The following PCDHA5 variants were observed in gnomAD, a reference collection of about 807,000 sequenced individuals.
The protein encoded by PCDHA5 is protocadherin alpha-5.
PCDHA5 carries 43 observed loss-of-function variants against 61.6 expected under a neutral mutation model. That is an observed-to-expected ratio of 0.70 (90% CI 0.55 to 0.90). The LOEUF (loss-of-function observed/expected upper bound fraction) is 0.90, where lower values mean the gene tolerates loss of function less well. Among genes scored for constraint, PCDHA5 ranks in the 40% least tolerant of loss-of-function variants. The pLI is 0.00. For missense variants in PCDHA5, 1,298 were observed against 1,222.7 expected (o/e 1.06, Z -0.92); for synonymous variants, 627 against 543.9 (o/e 1.15, Z -2.13).
At chr5:140,946,573 A>C (rs1272286008) in intron 1 of PCDHA5, among the ~76,000 whole-genome samples, 1 of 147,140 alleles carries the variant, frequency 6.8e-6, no homozygotes, top group African/African-American at 2.6e-5. Flanking sequence ...GAATCAACTT[A>C]GGTGTTCATA....
At chr5:140,877,272 C>T in intron 1 of PCDHA5, 3 of 1,613,832 alleles carry the variant, frequency 1.9e-6, no homozygotes, top group Non-Finnish European at 2.5e-6. Flanking sequence ...TGGACGCTGA[C>T]TCCGGCTATA....
At chr5:140,985,577 G>A (rs1265916995) in intron 3 of PCDHA5, among the ~76,000 whole-genome samples, 1 of 152,116 alleles carries the variant, frequency 6.6e-6, no homozygotes, top group Non-Finnish European at 1.5e-5. Flanking sequence ...TGGTGCCTAA[G>A]CCTCCTTATA....
chr5:140,926,358 A>C (rs1157995876), intron 1 of PCDHA5: 1 of 152,230 alleles, frequency 6.6e-6, no homozygotes, highest in Non-Finnish European at 1.5e-5. Context: ...CGGCTCCCAA[A>C]GGGCGGCAGG....
In PCDHA5 at chr5:140,959,152, A is replaced by C. The variant is rs182353196; in HGVS notation, c.2353-19797A>C. 1.3e-4 allele frequency among the ~76,000 whole-genome samples: 20 copies of C among 152,108 alleles called. No individual in the cohort carries two copies. The East Asian group carries it at 3.9e-3, about 30-fold the overall frequency. ...CCCACTTTGGGAGGCCAAAGTGGGC[A>C]GATTGCTTGACCCCAGGAGTTCAGG... On this transcript the variant is annotated intron_variant, in intron 1 of 3. Coordinates refer to ENST00000529859, the MANE Select transcript of PCDHA5 (RefSeq NM_018908.3).
chr5:141,010,233 G>C lies in PCDHA5; in HGVS notation c.*296G>C, dbSNP rs1156230400. ...AAGGAGAGGCTTCCCAGCCCCGCCA[G>C]TGAGAGGTTGGACTCTCTGCCCTGT... On this transcript the variant is annotated 3_prime_UTR_variant, in exon 4 of 4. Transcript: ENST00000529859. 1.9e-6 allele frequency: 3 copies of C among 1,551,812 alleles called. No homozygotes were observed. The highest frequency in any genetic ancestry group is 2.6e-6 in the Non-Finnish European group (3 of 1,147,042).
intron 3 of PCDHA5, among the ~76,000 whole-genome samples, chr5:141,006,540 A>T (rs868906531): frequency 1.6e-4 from 25 of 152,182 alleles, no homozygotes; most frequent in Admixed American, 3.3e-4. Context: ...AAAGAGAGAC[A>T]TTAAGAAATA....
At chr5:140,870,385 G>C (rs548890657) in intron 1 of PCDHA5, 2 of 1,614,240 alleles carry the variant, frequency 1.2e-6, no homozygotes, top group African/African-American at 2.7e-5. Context: ...GACTGCGCGG[G>C]ATGGGGGTTC....
intron 1 of PCDHA5, among the ~76,000 whole-genome samples, chr5:140,973,261 C>G (rs1162687249): frequency 6.6e-6 from 1 of 152,156 alleles, no homozygotes; most frequent in African/African-American, 2.4e-5. Flanking sequence ...TCAGTGGCAC[C>G]TACTTTTATT....
At chr5:140,835,895 G>T in intron 1 of PCDHA5, 1 of 1,612,076 alleles carries the variant, frequency 6.2e-7, no homozygotes, top group Non-Finnish European at 8.5e-7. Flanking sequence ...AGCGCGCGCT[G>T]TCGAGCTACG....
chr5:140,995,286 C>T (rs571122259), intron 3 of PCDHA5, among the ~76,000 whole-genome samples: 18 of 152,182 alleles, frequency 1.2e-4, no homozygotes, highest in African/African-American at 3.4e-4. Context: ...CCAAAACAGC[C>T]AGTCGGATAC....
In PCDHA5 at chr5:140,823,652, A is replaced by G; in HGVS notation, c.1877A>G (p.Tyr626Cys). The G allele has an allele frequency of 6.2e-7, 1 of 1,613,972 alleles. No individual in the cohort carries two copies. The highest frequency in any genetic ancestry group is 8.5e-7 in the Non-Finnish European group (1 of 1,179,892). ...CGCATCCCGTTCCGCGTGGGGCTGTACACAGGCGAGATCAGCACAACACGC... is the reference window on the plus strand; with the variant it reads ...CGCATCCCGTTCCGCGTGGGGCTGTGCACAGGCGAGATCAGCACAACACGC... ...SARIPFRVGL[Y>C]TGEISTTRSL... Residue 626 changes from tyrosine to cysteine, a missense_variant, in exon 1 of 4, where the codon TAC (tyrosine) becomes TGC (cysteine). Physicochemically the swap from Tyr to Cys is radical, Grantham distance 194. Coordinates refer to ENST00000529859, the MANE Select transcript of PCDHA5 (RefSeq NM_018908.3).
intron 2 of PCDHA5, among the ~76,000 whole-genome samples, chr5:140,981,825 T>G (rs941645731): frequency 2.0e-5 from 3 of 152,184 alleles, no homozygotes; most frequent in African/African-American, 7.2e-5. Context: ...TCTGCTTGCC[T>G]CTAAAGGTCT....
intron 1 of PCDHA5, chr5:140,857,079 A>C: frequency 6.3e-7 from 1 of 1,597,252 alleles, no homozygotes; most frequent in African/African-American, 1.3e-5. Flanking sequence ...GATGAAAATG[A>C]TAATTCACCT....
chr5:140,848,251 T>A, intron 1 of PCDHA5: 1 of 465,844 alleles, frequency 2.1e-6, no homozygotes, highest in East Asian at 3.2e-5. Context: ...GCAGAATAAC[T>A]GTGAAATTTT....
intron 1 of PCDHA5, among the ~76,000 whole-genome samples, chr5:140,960,911 G>A (rs2095578426): frequency 6.6e-6 from 1 of 152,284 alleles, no homozygotes; most frequent in Non-Finnish European, 1.5e-5. Context: ...TTGAGTTTCA[G>A]ATAGAAAATT....
At chr5:140,967,784 C>G in intron 1 of PCDHA5, 1 of 1,614,174 alleles carries the variant, frequency 6.2e-7, no homozygotes, top group Non-Finnish European at 8.5e-7. Flanking sequence ...GGCGACTGAC[C>G]GGGGTCCAGT....
chr5:140,831,586 C>T (rs1771633108), intron 1 of PCDHA5, among the ~76,000 whole-genome samples: 1 of 142,296 alleles, frequency 7.0e-6, no homozygotes, highest in South Asian at 2.4e-4. Flanking sequence ...TGGTCTCAAA[C>T]TACTGGGTGC....
At chr5:140,927,092 G>T in intron 1 of PCDHA5, 1 of 1,612,746 alleles carries the variant, frequency 6.2e-7, no homozygotes, top group Non-Finnish European at 8.5e-7. Flanking sequence ...CTCTACTTCG[G>T]GGTGGATCTA....
chr5:140,857,702 G>T (rs2044803207), intron 1 of PCDHA5: 1 of 1,597,298 alleles, frequency 6.3e-7, no homozygotes, highest in African/African-American at 1.3e-5. Flanking sequence ...GACGCTGCAG[G>T]TGTTCGTGCT....
Sources: gnomAD v4.1 joint callset for allele counts (sites outside exome capture counted in the v4.1 genomes callset) on GRCh38, gnomAD v4.1.1 for gene constraint, MANE v1.5 for transcripts, NCBI Gene and HGNC (gene_info 2026-07-23, HGNC 2026-07-21) for gene names.